SPEF2: variants seen among roughly 807,000 people sequenced by gnomAD.
The protein encoded by SPEF2 is sperm flagellar and cilia associated 2, also known as sperm flagella and cilia-associated protein 2.
SPEF2 carries 187 observed loss-of-function variants against 224.6 expected under a neutral mutation model. That is an observed-to-expected ratio of 0.83 (90% CI 0.74 to 0.94). The LOEUF (loss-of-function observed/expected upper bound fraction) is 0.94, where lower values mean the gene tolerates loss of function less well. Ranked by LOEUF, SPEF2 falls within the 40% of genes least tolerant of loss-of-function variation. The pLI, the probability that SPEF2 is intolerant of heterozygous loss-of-function variation, is 0.00. For missense variants in SPEF2, 2,170 were observed against 2,135.6 expected (o/e 1.02, Z -0.32); for synonymous variants, 715 against 707.3 (o/e 1.01, Z -0.17).
In SPEF2 at chr5:35,763,694, T is replaced by C; in HGVS notation, c.3793T>C (p.Ser1265Pro). ...DTWQQASLAV[S>P]HMVAAEIHQR... ...CTGGCAGCAGGCTTCTTTAGCAGTA[T>C]CTCACATGGTAAGCAGTGCTCGTTA... is the stretch of plus-strand genomic sequence containing the variant. The change falls in exon 26 of 37, where the codon TCT becomes CCT. Residue 1265 changes from serine (S) to proline (P), a missense_variant. Transcript: ENST00000356031. 6.2e-7 allele frequency: 1 copy of C among 1,609,318 alleles called. No homozygotes were observed. Among genetic ancestry groups the C allele is most frequent in the Non-Finnish European group, 8.5e-7 (1 of 1,178,598 alleles).
At chr5:35,669,997 A>T in intron 9 of SPEF2, 62 bp from the exon 10 acceptor site, 1 of 1,275,662 alleles carries the variant, frequency 7.8e-7, no homozygotes, top group Non-Finnish European at 1.1e-6. Context: ...TAAAAATACC[A>T]ATGTTTAAAA....
chr5:35,753,673 C>T lies in SPEF2; in HGVS notation c.3380C>T (p.Ala1127Val), dbSNP rs763635089. The change falls in exon 24 of 37, where the codon GCG becomes GTG. Residue 1127 changes from alanine to valine, a missense_variant. By Grantham distance (64) the Ala-to-Val change is moderately conservative. Transcript: ENST00000356031. ...ATTTGTGATGCCCGGAAGGAAGAGGCGGAGCAGGAGCGGCTTGACATCATT... is the reference window on the plus strand; with the variant it reads ...ATTTGTGATGCCCGGAAGGAAGAGGTGGAGCAGGAGCGGCTTGACATCATT... The part of the protein sequence containing the change: ...WDICDARKEE[A>V]EQERLDIINE... 5.6e-6 allele frequency: 9 copies of T among 1,614,058 alleles called. No homozygotes were observed. Among genetic ancestry groups the T allele is most frequent in the South Asian group, 2.2e-5 (2 of 91,082 alleles).
intron 19 of SPEF2, chr5:35,710,716 T>C (rs1740937084): frequency 1.0e-6 from 1 of 981,068 alleles, no homozygotes; most frequent in African/African-American, 1.8e-5. Context: ...ATTTGAGCCA[T>C]TTCCTGAAAC....
intron 2 of SPEF2, among the ~76,000 whole-genome samples, chr5:35,638,882 C>T (rs1746199528): frequency 1.3e-5 from 2 of 152,122 alleles, no homozygotes; most frequent in African/African-American, 4.8e-5. Flanking sequence ...GGGAGTATAT[C>T]TGCTTAACCA....
At position 35,618,017 on chromosome 5, in the gene SPEF2, A is replaced by G. The variant is rs754462608; in HGVS notation, c.20A>G (p.Gln7Arg). 8 of 1,586,018 alleles carry G rather than the reference A, an allele frequency of 5.0e-6. No homozygotes were observed. In the East Asian group the frequency reaches 1.1e-4, roughly 23 times the overall value. ...TGAACCATGTCGGAGATCCTGTGCC[A>G]GTGGCTCAACAAGGAGTTGAAGGTG... MSEILC[Q>R]WLNKELKVSR... The change falls in exon 1 of 37, where the codon CAG becomes CGG. Residue 7 changes from glutamine to arginine, a missense_variant. Transcript: ENST00000356031.
intron 10 of SPEF2, among the ~76,000 whole-genome samples, chr5:35,688,973 T>C (rs942649610): frequency 1.3e-5 from 2 of 152,192 alleles, no homozygotes; most frequent in African/African-American, 4.8e-5. Context: ...GGATGTTGTT[T>C]TTGTCAATTA....
Position 35,723,975 on chromosome 5 carries a change from A to G in SPEF2, c.2915-3700A>G, listed in dbSNP as rs1744205715. Among the ~76,000 whole-genome samples, 4 of 152,222 alleles carry G rather than the reference A, an allele frequency of 2.6e-5. No homozygotes were observed. The South Asian group carries it at 8.3e-4, about 31-fold the overall frequency. On this transcript the variant is annotated intron_variant, in intron 20 of 36. Transcript: ENST00000356031. Reference sequence around the variant, plus strand: ...CGAAATTCAACCATAGTCTTCTTTTATAATACAATTTATAAGCATAATAAC... The same window carrying G: ...CGAAATTCAACCATAGTCTTCTTTTGTAATACAATTTATAAGCATAATAAC...
At chr5:35,784,129 A>AT (rs201823821) in intron 30 of SPEF2, among the ~76,000 whole-genome samples, 4,524 of 142,052 alleles carry the variant, frequency 0.032, 113 homozygotes, top group South Asian at 0.091. Flanking sequence ...AGACCGATAG[A>AT]TTTTTTTTTT....
chr5:35,724,408 A>C (rs7714298), intron 20 of SPEF2, among the ~76,000 whole-genome samples: 5,969 of 152,256 alleles, frequency 0.039, 194 homozygotes, highest in African/African-American at 0.075. Context: ...TTTTCCAAAA[A>C]GAAAATTGGT....
intron 26 of SPEF2, among the ~76,000 whole-genome samples, chr5:35,768,155 A>G (rs1484878146): frequency 6.6e-6 from 1 of 152,116 alleles, no homozygotes; most frequent in Admixed American, 6.6e-5. Flanking sequence ...ATCAAACATA[A>G]TATAATAATA....
intron 10 of SPEF2, 120 bp from the exon 11 acceptor site, chr5:35,690,912 ATAATT>A (rs896877835): frequency 7.7e-5 from 49 of 635,154 alleles, no homozygotes; most frequent in Non-Finnish European, 1.2e-4. Flanking sequence ...TTTTTATAAT[ATAATT>A]AAAGTATTCA....
At position 35,806,776 on chromosome 5, in the gene SPEF2, A is replaced by G. The variant is rs754671941; in HGVS notation, c.5080A>G (p.Arg1694Gly). Reference sequence around the variant, plus strand: ...TGAGGAAAATGCTGCAAGAGAAGAAAGGAAATTAAAAGACGACACGGAGAA... The same window carrying G: ...TGAGGAAAATGCTGCAAGAGAAGAAGGGAAATTAAAAGACGACACGGAGAA... Reference protein sequence around the residue: ...EPEENAAREERKLKDDTEKRE... With the variant: ...EPEENAAREEGKLKDDTEKRE... The change falls in exon 35 of 37, where the codon AGG (arginine) becomes GGG (glycine). Residue 1694 changes from arginine (R) to glycine (G), a missense_variant. Transcript: ENST00000356031. 6.2e-7 allele frequency: 1 copy of G among 1,614,050 alleles called. No homozygotes were observed. Among genetic ancestry groups the G allele is most frequent in the Non-Finnish European group, 8.5e-7 (1 of 1,179,964 alleles).
intron 20 of SPEF2, among the ~76,000 whole-genome samples, chr5:35,719,043 C>G (rs1743138846): frequency 6.6e-6 from 1 of 152,184 alleles, no homozygotes; most frequent in African/African-American, 2.4e-5. Flanking sequence ...TGGTTAGCTG[C>G]CTTGGTCTTA....
At chr5:35,661,393 A>G (rs1749726518) in intron 8 of SPEF2, among the ~76,000 whole-genome samples, 1 of 147,724 alleles carries the variant, frequency 6.8e-6, no homozygotes, top group Non-Finnish European at 1.5e-5. Flanking sequence ...AGATAAATAT[A>G]TATATATATT....
intron 36 of SPEF2, chr5:35,807,777 GA>G (rs774936191): frequency 6.9e-5 from 106 of 1,535,552 alleles, no homozygotes; most frequent in Middle Eastern, 3.3e-4. Context: ...AAGAAAGGAA[GA>G]ACTGCAACTC....
chr5:35,688,804 G>T (rs564286900), intron 10 of SPEF2, among the ~76,000 whole-genome samples: 26 of 152,234 alleles, frequency 1.7e-4, no homozygotes, highest in African/African-American at 6.0e-4. Context: ...TGTGAGAATC[G>T]TTTGAGATAA....
chr5:35,771,349 C>A (rs914259075), intron 26 of SPEF2, among the ~76,000 whole-genome samples: 6 of 152,016 alleles, frequency 3.9e-5, no homozygotes, highest in Non-Finnish European at 7.4e-5. Context: ...AGTGAGGAAA[C>A]GTAAGGATGA....
chr5:35,659,825 G>A (rs1749465011), intron 8 of SPEF2, among the ~76,000 whole-genome samples: 1 of 151,426 alleles, frequency 6.6e-6, no homozygotes, highest in South Asian at 2.1e-4. Context: ...TCCTCAGGCA[G>A]TGAGAGAACT....
At chr5:35,672,235 TC>T in intron 10 of SPEF2, among the ~76,000 whole-genome samples, 1 of 133,250 alleles carries the variant, frequency 7.5e-6, no homozygotes, top group Non-Finnish European at 1.6e-5. Flanking sequence ...AACATAATGT[TC>T]ATTATAATGT....
Sources: gnomAD v4.1 joint callset for allele counts (sites outside exome capture counted in the v4.1 genomes callset) on GRCh38, gnomAD v4.1.1 for gene constraint, MANE v1.5 for transcripts, NCBI Gene and HGNC (gene_info 2026-07-23, HGNC 2026-07-21) for gene names.